The following COL12A1 variants were observed in gnomAD, a reference collection of about 807,000 sequenced individuals.
COL12A1 encodes collagen alpha-1(XII) chain.
A neutral mutation model predicts 349.7 loss-of-function variants in COL12A1; 114 were observed. The observed-to-expected ratio is 0.33, with a 90% confidence interval of 0.28 to 0.38. COL12A1 has a LOEUF of 0.38. COL12A1 is among the 10% of genes least tolerant of loss of function. The pLI is 1.00. For missense variants in COL12A1, 3,284 were observed against 3,756.9 expected (o/e 0.87, Z 3.29); for synonymous variants, 1,369 against 1,329.0 (o/e 1.03, Z -0.66).
intron 14 of COL12A1, among the ~76,000 whole-genome samples, chr6:75,161,976 C>A (rs543483638): frequency 3.8e-4 from 57 of 151,654 alleles, no homozygotes; most frequent in African/African-American, 1.2e-3. Context: ...AGGAGAACTA[C>A]AAACCACTCT....
intron 44 of COL12A1, among the ~76,000 whole-genome samples, chr6:75,120,296 ATTAT>A (rs1214849278): frequency 2.0e-5 from 3 of 152,290 alleles, no homozygotes; most frequent in Middle Eastern, 3.4e-3. Flanking sequence ...TGTCCAGAGG[ATTAT>A]TTGAGGATTT....
In COL12A1 at chr6:75,147,823, C is replaced by G. The variant is rs1554182346; in HGVS notation, c.4288-19G>C. 26 of 1,610,802 alleles carry G rather than the reference C, an allele frequency of 1.6e-5. No homozygotes were observed. In the East Asian group the frequency reaches 5.8e-4, roughly 36 times the overall value. ...CATAAAACTAGGGGGAAAAATTAAA[C>G]AGAGCAACAACGTATGTATAATCAG... On this transcript the variant is annotated intron_variant, in intron 22 of 65. Transcript: ENST00000322507.
intron 9 of COL12A1, 31 bp from the exon 10 acceptor site, chr6:75,183,683 C>T: frequency 6.4e-7 from 1 of 1,566,896 alleles, no homozygotes; most frequent in Non-Finnish European, 8.6e-7. Flanking sequence ...CATTAAACTT[C>T]AATACATATT....
rs1767451585 is a variant in COL12A1, at chr6:75,085,605, A to C, written c.*942T>G. On this transcript the variant is annotated 3_prime_UTR_variant, in exon 66 of 66. Coordinates refer to ENST00000322507, the MANE Select transcript of COL12A1 (RefSeq NM_004370.6). ...CAGCAGTAAACACAATCATTGCACAAATACTTGGGAAGGGTCAGAGACTGG... is the reference window on the plus strand; with the variant it reads ...CAGCAGTAAACACAATCATTGCACACATACTTGGGAAGGGTCAGAGACTGG... The C allele has an allele frequency of 6.4e-6, 2 of 312,082 alleles. No homozygotes were observed. Among genetic ancestry groups the C allele is most frequent in the African/African-American group, 2.2e-5 (1 of 46,124 alleles). 19.3% of individuals were successfully genotyped at this position (312,082 alleles called of 1,614,324 possible). A position where few individuals can be genotyped will look rare whatever the true frequency, so the allele number is the denominator to read the frequency against.
chr6:75,115,616 T>C (rs1769037391), intron 49 of COL12A1, among the ~76,000 whole-genome samples, 168 bp downstream of exon 49: 3 of 152,144 alleles, frequency 2.0e-5, no homozygotes, highest in Admixed American at 2.0e-4. Flanking sequence ...CAAACAACTA[T>C]GTAACCTGGA....
intron 44 of COL12A1, among the ~76,000 whole-genome samples, chr6:75,120,722 C>T (rs955918497): frequency 1.3e-5 from 2 of 152,110 alleles, no homozygotes; most frequent in African/African-American, 4.8e-5. Flanking sequence ...TGAGGCCCCT[C>T]CCTCATGGAA....
chr6:75,106,372 T>A, intron 53 of COL12A1, 47 bp downstream of exon 53: 1 of 1,493,330 alleles, frequency 6.7e-7, no homozygotes, highest in Non-Finnish European at 9.3e-7. Flanking sequence ...GGTTTATTAC[T>A]GGGGGACTGT....
At chr6:75,119,517 T>G in intron 44 of COL12A1, 44 bp from the exon 45 acceptor site, 1 of 1,559,754 alleles carries the variant, frequency 6.4e-7, no homozygotes, top group Non-Finnish European at 8.7e-7. Context: ...GTCATCTCAT[T>G]TTATGTTTCA....
Position 75,165,624 on chromosome 6 carries a change from C to A in COL12A1, c.2866G>T (p.Asp956Tyr). ...VDTGEKNLPEDAIHTMIENLQ... is the reference protein window; with the variant it reads ...VDTGEKNLPEYAIHTMIENLQ... ...TTTTCTATCATCGTATGAATTGCAT[C>A]TTCAGGCAGATTTTTCTCTCCAGTG... is the stretch of plus-strand genomic sequence containing the variant. The change falls in exon 14 of 66, where the codon GAT (aspartate) becomes TAT (tyrosine). Residue 956 changes from aspartate to tyrosine, a missense_variant. This residue lies in a region of COL12A1 where 2,601 missense variants were observed against 2,824.8 expected (regional missense o/e 0.92). Transcript: ENST00000322507. The A allele has an allele frequency of 6.2e-7, 1 of 1,613,944 alleles. No homozygotes were observed. Among genetic ancestry groups the A allele is most frequent in the Non-Finnish European group, 8.5e-7 (1 of 1,179,920 alleles).
At chr6:75,134,120 A>G (rs932110145) in intron 32 of COL12A1, 123 bp from the exon 33 acceptor site, 2 of 1,079,150 alleles carry the variant, frequency 1.9e-6, no homozygotes, top group African/African-American at 3.2e-5. Flanking sequence ...CATTTGTTGA[A>G]GTAGTGAATA....
Position 75,101,770 on chromosome 6 carries a change from G to A in COL12A1, c.8470-117C>T, listed in dbSNP as rs998971818. 6.6e-6 allele frequency: 8 copies of A among 1,206,602 alleles called. 1 individual carries two copies. The highest frequency in any genetic ancestry group is 2.2e-5 in the Admixed American group (1 of 45,486). 74.7% of individuals were successfully genotyped at this position (1,206,602 alleles called of 1,614,324 possible). ...CCAGAGACTCTGAATAGAAACAGGA[G>A]AACAGAGCCAAGCACATTGCCAAGC... On this transcript the variant is annotated intron_variant, in intron 57 of 65. Transcript: ENST00000322507.
At chr6:75,101,051 G>A (rs537859407) in intron 58 of COL12A1, among the ~76,000 whole-genome samples, 2 of 152,230 alleles carry the variant, frequency 1.3e-5, no homozygotes, top group Admixed American at 6.5e-5. Flanking sequence ...TGGGTTTCCT[G>A]TACTGCTTTC....
At chr6:75,142,242 A>G in intron 26 of COL12A1, 81 bp from the exon 27 acceptor site, 1 of 1,498,890 alleles carries the variant, frequency 6.7e-7, no homozygotes, top group Non-Finnish European at 9.2e-7. Context: ...TGTACCTGTC[A>G]GCGTAAGAAT....
At chr6:75,121,556 G>A (rs1408532008) in intron 43 of COL12A1, 115 bp from the exon 44 acceptor site, 3 of 1,213,620 alleles carry the variant, frequency 2.5e-6, no homozygotes, top group Non-Finnish European at 3.3e-6. Flanking sequence ...TGGTTCTGCA[G>A]CAACAGCACT....
At chr6:75,195,234 A>G (rs1371323078) in intron 2 of COL12A1, among the ~76,000 whole-genome samples, 1 of 152,188 alleles carries the variant, frequency 6.6e-6, no homozygotes, top group Non-Finnish European at 1.5e-5. Flanking sequence ...ATATTTGGAT[A>G]CAAGTACATA....
rs1231394496 is a variant in COL12A1 at position 75,151,986 on chromosome 6, G to C, written c.3881C>G (p.Ala1294Gly). Reference sequence around the variant, plus strand: ...TTTTCGAGCTCGAGGTCTCATGCCAGCTTGGGTCCTGAAGTTCTGTTGGCG... The same window carrying C: ...TTTTCGAGCTCGAGGTCTCATGCCACCTTGGGTCCTGAAGTTCTGTTGGCG... ...FIRQQNFRTQ[A>G]GMRPRARKIG... The change falls in exon 20 of 66, where the codon GCT becomes GGT. Residue 1294 changes from alanine to glycine, a missense_variant. Ala to Gly is a moderately conservative substitution (Grantham distance 60, BLOSUM62 0). Transcript: ENST00000322507. The C allele has an allele frequency of 6.2e-7, 1 of 1,613,890 alleles. No homozygotes were observed.
intron 2 of COL12A1, among the ~76,000 whole-genome samples, chr6:75,201,432 AT>A (rs987481543): frequency 3.3e-5 from 5 of 149,882 alleles, no homozygotes; most frequent in East Asian, 1.9e-4. Flanking sequence ...GCTTCCCCTA[AT>A]TTTTTTTTTA....
chr6:75,087,851 A>G, intron 64 of COL12A1, 104 bp from the exon 65 acceptor site: 1 of 1,181,584 alleles, frequency 8.5e-7, no homozygotes, highest in Non-Finnish European at 1.2e-6. Flanking sequence ...AAAATTAGAC[A>G]ATTTACTATT....
chr6:75,133,549 A>G, intron 33 of COL12A1, 127 bp from the exon 34 acceptor site: 1 of 962,684 alleles, frequency 1.0e-6, no homozygotes, highest in Non-Finnish European at 1.5e-6. Context: ...GGATGTCATA[A>G]TAAGCCCCCA....
Sources: allele counts gnomAD v4.1 joint callset (sites outside exome capture counted in the v4.1 genomes callset), GRCh38; gene constraint gnomAD v4.1.1; regional missense constraint gnomAD v4.1.1; transcripts MANE v1.5; gene names NCBI Gene and HGNC (gene_info 2026-07-23, HGNC 2026-07-21).